The following SPMAP2 variants were observed in gnomAD, a reference collection of about 807,000 sequenced individuals.
The protein encoded by SPMAP2 is Theg homolog.
chr19:372,911 G>A, the SPMAP2 span, among the ~76,000 whole-genome samples: 1 of 152,216 alleles, frequency 6.6e-6, no homozygotes, highest in Non-Finnish European at 1.5e-5. Context: ...AGGCTTGAAG[G>A]TCCTTTCTCG....
the SPMAP2 span, chr19:366,959 T>G: frequency 7.8e-7 from 1 of 1,279,732 alleles, no homozygotes; most frequent in Non-Finnish European, 1.1e-6. Flanking sequence ...CTGCTTCTCT[T>G]TCATGGGGGA....
chr19:375,683 T>C, the SPMAP2 span: 1 of 1,590,920 alleles, frequency 6.3e-7, no homozygotes, highest in Non-Finnish European at 8.6e-7. Flanking sequence ...GAATGTCCTC[T>C]TCCAAGTCCT....
At chr19:365,918 G>A in the SPMAP2 span, among the ~76,000 whole-genome samples, 284 of 152,254 alleles carry the variant, frequency 1.9e-3, no homozygotes, top group African/African-American at 6.3e-3. Flanking sequence ...CGAGGTGGGC[G>A]GATCATGAGG....
the SPMAP2 span, among the ~76,000 whole-genome samples, chr19:364,054 T>C: frequency 5.3e-5 from 8 of 151,530 alleles, no homozygotes; most frequent in East Asian, 1.4e-3. Context: ...AATATTTCGG[T>C]TGGGCGCGGT....
the SPMAP2 span, chr19:373,809 G>T: frequency 1.1e-6 from 1 of 893,532 alleles, no homozygotes. Context: ...AGGGTGGAGA[G>T]CCCCACATCT....
chr19:373,430 G>A, the SPMAP2 span: 14 of 1,606,362 alleles, frequency 8.7e-6, no homozygotes, highest in Non-Finnish European at 1.2e-5. Context: ...GAGGCCGGCA[G>A]CCGGGGGCAG....
chr19:367,160 T>C, the SPMAP2 span: 1 of 1,611,782 alleles, frequency 6.2e-7, no homozygotes, highest in Middle Eastern at 1.7e-4. Flanking sequence ...GGCCTTCGGC[T>C]TTGACAACTG....
chr19:374,333 C>T, the SPMAP2 span: 2 of 1,614,110 alleles, frequency 1.2e-6, no homozygotes, highest in Admixed American at 1.7e-5. Flanking sequence ...ATCTTGGGCT[C>T]TGCCAGCTCC....
the SPMAP2 span, chr19:373,456 C>T: frequency 1.4e-4 from 230 of 1,612,804 alleles, no homozygotes; most frequent in Non-Finnish European, 1.7e-4. Context: ...TCAGCAGGCA[C>T]GGGCTCCACC....
At chr19:373,102 G>A in the SPMAP2 span, among the ~76,000 whole-genome samples, 1 of 152,314 alleles carries the variant, frequency 6.6e-6, no homozygotes, top group African/African-American at 2.4e-5. Flanking sequence ...GAACAGCACA[G>A]GAGAGAACTG....
chr19:369,309 GCTGA>G, the SPMAP2 span, among the ~76,000 whole-genome samples: 2 of 152,308 alleles, frequency 1.3e-5, no homozygotes, highest in African/African-American at 4.8e-5. Context: ...ACCACCGAGT[GCTGA>G]CCACAATGGG....
At chr19:371,319 C>T in the SPMAP2 span, 215 of 1,461,866 alleles carry the variant, frequency 1.5e-4, no homozygotes, top group Non-Finnish European at 1.8e-4. Flanking sequence ...AGACAGGAGT[C>T]GTCCTGGGGG....
the SPMAP2 span, chr19:373,509 G>A: frequency 1.3e-5 from 21 of 1,613,280 alleles, no homozygotes; most frequent in East Asian, 4.5e-5. Context: ...TCAAGGAACC[G>A]CTCGGTCCAG....
chr19:367,174 G>A, the SPMAP2 span: 1 of 1,609,030 alleles, frequency 6.2e-7, no homozygotes, highest in Non-Finnish European at 8.5e-7. Flanking sequence ...ACAACTGGAG[G>A]ATCCGCGAGC....
the SPMAP2 span, chr19:371,319 C>G: frequency 1.4e-6 from 2 of 1,461,868 alleles, no homozygotes; most frequent in Non-Finnish European, 9.1e-7. Context: ...AGACAGGAGT[C>G]GTCCTGGGGG....
At chr19:362,348 A>G in the SPMAP2 span, 4 of 1,610,680 alleles carry the variant, frequency 2.5e-6, no homozygotes, top group African/African-American at 1.3e-5. Flanking sequence ...GGGGCTGGCC[A>G]CCACCTTCTT....
At chr19:362,180 G>A in the SPMAP2 span, 2 of 1,460,736 alleles carry the variant, frequency 1.4e-6, no homozygotes, top group Non-Finnish European at 1.8e-6. Flanking sequence ...GCCTGAGGGT[G>A]TTTACTGGGA....
At chr19:371,185 G>T in the SPMAP2 span, 1 of 1,380,942 alleles carries the variant, frequency 7.2e-7, no homozygotes, top group Non-Finnish European at 9.6e-7. Flanking sequence ...GGTGAGTCGC[G>T]GGGGGCACGG....
chr19:370,347 GT>G, the SPMAP2 span, among the ~76,000 whole-genome samples: 20 of 146,792 alleles, frequency 1.4e-4, no homozygotes, highest in South Asian at 8.7e-4. Flanking sequence ...TCACAGTTTT[GT>G]TTTTTTTTTT....
Sources: gnomAD v4.1 joint callset for allele counts (sites outside exome capture counted in the v4.1 genomes callset) on GRCh38, gnomAD v4.1.1 for gene constraint, MANE v1.5 for transcripts, NCBI Gene and HGNC (gene_info 2026-07-23, HGNC 2026-07-21) for gene names.